ITGA1: variants seen among roughly 807,000 people sequenced by gnomAD.
ITGA1 encodes the protein integrin subunit alpha 1, also known as integrin alpha-1.
A neutral mutation model predicts 145.9 loss-of-function variants in ITGA1; 85 were observed. The observed-to-expected ratio is 0.58, with a 90% CI of 0.49 to 0.70. The LOEUF is 0.70. Among genes scored for constraint, ITGA1 ranks in the 30% least tolerant of loss-of-function variants. The probability of loss-of-function intolerance (pLI) is 0.00; values close to 1 mark genes in which losing one functional copy is unlikely to be tolerated. For synonymous variants in ITGA1, 520 were observed against 495.3 expected (o/e 1.05, Z -0.66); for missense variants, 1,351 against 1,418.7 (o/e 0.95, Z 0.77).
At chr5:52,832,880 T>C (rs1396362190) in intron 1 of ITGA1, among the ~76,000 whole-genome samples, 1 of 151,460 alleles carries the variant, frequency 6.6e-6, no homozygotes, top group African/African-American at 2.4e-5. Flanking sequence ...TTTATTTCAT[T>C]TTGTTAAGCC....
intron 27 of ITGA1, 82 bp downstream of exon 27, chr5:52,945,117 C>A: frequency 9.7e-7 from 1 of 1,026,964 alleles, no homozygotes; most frequent in Non-Finnish European, 1.5e-6. Flanking sequence ...GTTGATAGTC[C>A]CTTAAGCAGT....
intron 27 of ITGA1, among the ~76,000 whole-genome samples, chr5:52,946,043 A>G (rs1751131502): frequency 6.6e-6 from 1 of 152,160 alleles, no homozygotes; most frequent in Non-Finnish European, 1.5e-5. Context: ...AATGAGTTTT[A>G]TTTTCCCTAA....
intron 6 of ITGA1, among the ~76,000 whole-genome samples, chr5:52,877,241 C>G (rs1749881900): frequency 1.3e-5 from 2 of 151,916 alleles, no homozygotes; most frequent in Admixed American, 1.3e-4. Flanking sequence ...GTTAGTCTGC[C>G]AGGAATATGT....
intron 14 of ITGA1, 87 bp downstream of exon 14, chr5:52,910,506 T>C: frequency 7.1e-7 from 1 of 1,412,278 alleles, no homozygotes. Context: ...ATGAGTTATT[T>C]AATTTCTTCC....
intron 1 of ITGA1, among the ~76,000 whole-genome samples, chr5:52,811,031 T>C (rs1748676613): frequency 2.0e-5 from 3 of 152,224 alleles, no homozygotes; most frequent in African/African-American, 7.2e-5. Flanking sequence ...AGCTTTCACA[T>C]CTGTATGAAA....
Position 52,932,117 on chromosome 5 carries a change from G to A in ITGA1, c.2842G>A (p.Val948Ile), listed in dbSNP as rs1750901450. 6.3e-7 allele frequency: 1 copy of A among 1,592,842 alleles called. No individual in the cohort carries two copies. The highest frequency in any genetic ancestry group is 1.3e-5 in the African/African-American group (1 of 74,372). The change falls in exon 22 of 29, where the codon GTT becomes ATT. Residue 948 changes from valine to isoleucine, a missense_variant. By Grantham distance (29) the Val-to-Ile change is conservative. Transcript: ENST00000282588. ...CATTTCTATCCCGGTAAAATATGAA[G>A]TTGGACTACAGTTTTACAGGTAGGA... is the stretch of plus-strand genomic sequence containing the variant. Reference protein sequence around the residue: ...VNISIPVKYEVGLQFYSSASE... With the variant: ...VNISIPVKYEIGLQFYSSASE...
intron 1 of ITGA1, among the ~76,000 whole-genome samples, chr5:52,826,223 G>C (rs1237827687): frequency 6.6e-6 from 1 of 152,160 alleles, no homozygotes; most frequent in Non-Finnish European, 1.5e-5. Flanking sequence ...AGTGGTCTGG[G>C]AAGGTCAAAC....
At chr5:52,810,435 T>A (rs1351074530) in intron 1 of ITGA1, among the ~76,000 whole-genome samples, 1 of 152,250 alleles carries the variant, frequency 6.6e-6, no homozygotes, top group East Asian at 1.9e-4. Context: ...CTCTCTTAAG[T>A]TGTTCATTTT....
intron 1 of ITGA1, among the ~76,000 whole-genome samples, chr5:52,839,454 G>C (rs1272860856): frequency 6.6e-6 from 1 of 152,056 alleles, no homozygotes; most frequent in South Asian, 2.1e-4. Flanking sequence ...TGTACTATTT[G>C]AACATTAGGT....
At chr5:52,883,313 G>A (rs562566123) in intron 7 of ITGA1, among the ~76,000 whole-genome samples, 2 of 152,306 alleles carry the variant, frequency 1.3e-5, no homozygotes, top group East Asian at 1.9e-4. Flanking sequence ...ATTCATCTCT[G>A]AAAACTAACT....
At chr5:52,834,935 A>G (rs969352917) in intron 1 of ITGA1, among the ~76,000 whole-genome samples, 15 of 152,172 alleles carry the variant, frequency 9.9e-5, no homozygotes, top group Non-Finnish European at 2.1e-4. Context: ...CTATTATACA[A>G]GAGTTCATAA....
intron 1 of ITGA1, among the ~76,000 whole-genome samples, chr5:52,821,198 A>G (rs1748873613): frequency 6.6e-6 from 1 of 152,206 alleles, no homozygotes; most frequent in African/African-American, 2.4e-5. Flanking sequence ...ATACCATTCA[A>G]TAGCATTAAG....
chr5:52,873,270 C>T (rs1749811342), intron 6 of ITGA1, among the ~76,000 whole-genome samples: 1 of 152,126 alleles, frequency 6.6e-6, no homozygotes, highest in South Asian at 2.1e-4. Context: ...GGTGTTTACC[C>T]ACCTAGCCCT....
intron 27 of ITGA1, among the ~76,000 whole-genome samples, chr5:52,946,791 A>G (rs1443441231): frequency 5.9e-5 from 9 of 152,206 alleles, no homozygotes; most frequent in Admixed American, 2.6e-4. Context: ...TAAGTCAAGT[A>G]GAAGAAACAT....
intron 20 of ITGA1, among the ~76,000 whole-genome samples, chr5:52,928,272 T>C (rs964563131): frequency 1.3e-5 from 2 of 152,170 alleles, no homozygotes; most frequent in African/African-American, 4.8e-5. Context: ...ACATATCTGA[T>C]AAAATGGAGC....
At chr5:52,843,226 A>C (rs1749284248) in intron 1 of ITGA1, among the ~76,000 whole-genome samples, 1 of 152,158 alleles carries the variant, frequency 6.6e-6, no homozygotes, top group African/African-American at 2.4e-5. Flanking sequence ...TCTTAATCTT[A>C]TGTCATTATT....
intron 6 of ITGA1, among the ~76,000 whole-genome samples, chr5:52,879,418 C>A (rs1358543625): frequency 6.6e-6 from 1 of 152,094 alleles, no homozygotes; most frequent in Non-Finnish European, 1.5e-5. Flanking sequence ...CTAGAATTAG[C>A]CATAATGATT....
intron 28 of ITGA1, among the ~76,000 whole-genome samples, chr5:52,952,006 A>G (rs2111916761): frequency 6.6e-6 from 1 of 152,264 alleles, no homozygotes; most frequent in Non-Finnish European, 1.5e-5. Context: ...CCTGGCCAAC[A>G]TGGTGAAACC....
At chr5:52,800,429 A>T in intron 1 of ITGA1, 1 of 1,614,026 alleles carries the variant, frequency 6.2e-7, no homozygotes, top group Non-Finnish European at 8.5e-7. Flanking sequence ...GAGAAGGACA[A>T]TGCGGGCCAG....
Sources: allele counts gnomAD v4.1 joint callset (sites outside exome capture counted in the v4.1 genomes callset), GRCh38; gene constraint gnomAD v4.1.1; transcripts MANE v1.5; gene names NCBI Gene and HGNC (gene_info 2026-07-23, HGNC 2026-07-21).